Variants in DLG2 observed in about 807,000 individuals in gnomAD.
DLG2 encodes the protein discs large MAGUK scaffold protein 2.
Under a neutral mutation model 132.5 loss-of-function variants are expected in DLG2, and 45 were observed. That is an observed-to-expected ratio of 0.34 (90% CI 0.27 to 0.44). DLG2 has a LOEUF of 0.44. DLG2 is among the 20% of genes least tolerant of loss of function. The probability of loss-of-function intolerance (pLI) is 1.00; values close to 1 mark genes in which losing one functional copy is unlikely to be tolerated. For synonymous variants in DLG2, 424 were observed against 419.6 expected (o/e 1.01, Z -0.13); for missense variants, 1,045 against 1,196.9 (o/e 0.87, Z 1.87).
chr11:84,017,731 T>A (rs2095256395), intron 11 of DLG2, among the ~76,000 whole-genome samples: 1 of 152,078 alleles, frequency 6.6e-6, no homozygotes, highest in African/African-American at 2.4e-5. Flanking sequence ...CTCAGTGGTC[T>A]CTATCGTCTT....
intron 4 of DLG2, among the ~76,000 whole-genome samples, chr11:85,259,044 A>G (rs1353649016): frequency 2.0e-5 from 3 of 152,140 alleles, no homozygotes; most frequent in Non-Finnish European, 4.4e-5. Flanking sequence ...CCCTTACTTT[A>G]AGACTAATTC....
At chr11:83,751,009 G>A (rs1185842580) in intron 18 of DLG2, among the ~76,000 whole-genome samples, 1 of 152,140 alleles carries the variant, frequency 6.6e-6, no homozygotes, top group Non-Finnish European at 1.5e-5. Context: ...CTTCTAATGA[G>A]AGAGACAGAA....
At position 85,457,270 on chromosome 11, in the gene DLG2, G is replaced by A. The variant is rs1295897054; in HGVS notation, c.40+141387C>T. ...CAACCCCTGCTTTTCCATTTGCTTG[G>A]TAGTTTTCCATTTGCTTGGTAGGTT... On this transcript the variant is annotated intron_variant, in intron 3 of 27. Transcript: ENST00000376104. Among the ~76,000 whole-genome samples, 5 of 150,272 alleles carry A rather than the reference G, an allele frequency of 3.3e-5. No individual in the cohort carries two copies. In the Admixed American group the frequency reaches 3.3e-4, roughly 10 times the overall value.
In DLG2 at chr11:84,886,780, A is replaced by G. The variant is rs142668339; in HGVS notation, c.357+224881T>C. Reference sequence around the variant, plus strand: ...TGACAGAATGTATTTATTTCTGTTCATCTTCACATGCAACCTTGTCAAACA... The same window carrying G: ...TGACAGAATGTATTTATTTCTGTTCGTCTTCACATGCAACCTTGTCAAACA... On this transcript the variant is annotated intron_variant, in intron 6 of 27. Transcript: ENST00000376104. Among the ~76,000 whole-genome samples, 269 of 152,270 alleles carry G rather than the reference A, an allele frequency of 1.8e-3. 3 individuals carry two copies. The highest frequency in any genetic ancestry group is 6.2e-3 in the African/African-American group (259 of 41,586).
chr11:84,530,888 A>T (rs561487668), intron 7 of DLG2, among the ~76,000 whole-genome samples: 4 of 152,340 alleles, frequency 2.6e-5, no homozygotes, highest in South Asian at 4.1e-4. Flanking sequence ...GCCCATCAAC[A>T]GTAGCTGGGT....
chr11:84,781,332 C>T (rs1035890783), intron 6 of DLG2, among the ~76,000 whole-genome samples: 3 of 151,810 alleles, frequency 2.0e-5, no homozygotes, highest in Non-Finnish European at 2.9e-5. Flanking sequence ...TTCTGGAATA[C>T]CTGTAGGTAA....
chr11:84,967,173 T>C (rs1276743776), intron 6 of DLG2, among the ~76,000 whole-genome samples: 1 of 152,158 alleles, frequency 6.6e-6, no homozygotes, highest in Non-Finnish European at 1.5e-5. Context: ...ACTTTCTTAC[T>C]GTAGTATAGA....
At chr11:84,578,289 G>A (rs533591062) in intron 6 of DLG2, among the ~76,000 whole-genome samples, 4 of 152,226 alleles carry the variant, frequency 2.6e-5, no homozygotes, top group Non-Finnish European at 4.4e-5. Context: ...GAGGGCCACT[G>A]TGCTCCAGAC....
intron 16 of DLG2, 21 bp downstream of exon 16, chr11:83,874,399 G>A (rs764412888): frequency 2.6e-6 from 4 of 1,556,824 alleles, no homozygotes; most frequent in Non-Finnish European, 2.6e-6. Context: ...CAGTTTAAGA[G>A]GTTCTGTATT....
intron 3 of DLG2, among the ~76,000 whole-genome samples, chr11:85,561,331 CAAAAAAAAAAAAAAAAAAA>C (rs1162562595): frequency 0.012 from 155 of 12,520 alleles, 4 homozygotes; most frequent in Non-Finnish European, 0.017. Flanking sequence ...GACCCTATCT[CAAAAAAAAAAAAAAAAAAA>C]AAAAAAAAAA....
At chr11:83,616,389 G>C (rs906245744) in intron 19 of DLG2, among the ~76,000 whole-genome samples, 19 of 152,086 alleles carry the variant, frequency 1.2e-4, no homozygotes, top group African/African-American at 4.6e-4. Flanking sequence ...GGTATGAACA[G>C]TCTTTAATTT....
intron 14 of DLG2, among the ~76,000 whole-genome samples, chr11:83,950,519 G>A (rs1447213435): frequency 1.3e-5 from 2 of 152,172 alleles, no homozygotes; most frequent in Non-Finnish European, 2.9e-5. Context: ...GCTTGAATGC[G>A]AGAGACGAGG....
At chr11:85,445,094 C>T (rs1227224283) in intron 3 of DLG2, among the ~76,000 whole-genome samples, 1 of 152,148 alleles carries the variant, frequency 6.6e-6, no homozygotes, top group Non-Finnish European at 1.5e-5. Flanking sequence ...AGACCAACAT[C>T]TACAAATTCT....
chr11:83,540,891 T>G (rs984309932), intron 20 of DLG2, among the ~76,000 whole-genome samples: 6 of 152,200 alleles, frequency 3.9e-5, no homozygotes, highest in African/African-American at 1.4e-4. Context: ...TTCTTGGACA[T>G]CTTGGTGCCA....
intron 7 of DLG2, among the ~76,000 whole-genome samples, chr11:84,484,449 G>C (rs758938699): frequency 3.9e-5 from 6 of 152,100 alleles, no homozygotes; most frequent in Admixed American, 3.9e-4. Flanking sequence ...ATCTGAACTG[G>C]ATTAAGCTAG....
intron 3 of DLG2, among the ~76,000 whole-genome samples, chr11:85,579,053 A>T (rs2078343216): frequency 6.6e-6 from 1 of 152,172 alleles, no homozygotes; most frequent in Admixed American, 6.5e-5. Flanking sequence ...ACACAGCCAT[A>T]AAAAAGAACA....
At chr11:84,714,601 C>CTCTT (rs1219307910) in intron 6 of DLG2, among the ~76,000 whole-genome samples, 602 of 95,324 alleles carry the variant, frequency 6.3e-3, no homozygotes, top group African/African-American at 0.016. Context: ...CTCTTTCTTT[C>CTCTT]TCTTTCTCTT....
intron 7 of DLG2, among the ~76,000 whole-genome samples, chr11:84,304,520 A>T (rs2154383649): frequency 6.6e-6 from 1 of 152,256 alleles, no homozygotes; most frequent in African/African-American, 2.4e-5. Flanking sequence ...AGGTCAGCAA[A>T]CTTGTTTCTT....
intron 12 of DLG2, among the ~76,000 whole-genome samples, chr11:83,979,581 G>A (rs2092599396): frequency 6.6e-6 from 1 of 152,156 alleles, no homozygotes; most frequent in Non-Finnish European, 1.5e-5. Flanking sequence ...ATAACTCCAT[G>A]GTTCAGAAAG....
Sources: gnomAD v4.1 joint callset for allele counts (sites outside exome capture counted in the v4.1 genomes callset) on GRCh38, gnomAD v4.1.1 for gene constraint, MANE v1.5 for transcripts, NCBI Gene and HGNC (gene_info 2026-07-23, HGNC 2026-07-21) for gene names.